Variants in PPM1H observed in about 807,000 individuals in gnomAD.
PPM1H encodes the protein protein phosphatase, Mg2+/Mn2+ dependent 1H.
In PPM1H, 27 loss-of-function variants were observed where a neutral mutation model predicts 54.9. The ratio of observed to expected loss-of-function variants is 0.49; its 90% CI spans 0.36 to 0.68. The LOEUF (loss-of-function observed/expected upper bound fraction) is 0.68, where lower values mean the gene tolerates loss of function less well. Among genes scored for constraint, PPM1H ranks in the 30% least tolerant of loss-of-function variants. PPM1H has a pLI of 0.00. For missense variants in PPM1H, 596 were observed against 667.8 expected, an observed-to-expected ratio of 0.89 and a Z score of 1.19; for synonymous variants, 305 against 270.8, an observed-to-expected ratio of 1.13 and a Z score of -1.24.
At chr12:62,681,325 G>C (rs1382725690) in intron 8 of PPM1H, among the ~76,000 whole-genome samples, 1 of 152,112 alleles carries the variant, frequency 6.6e-6, no homozygotes, top group Non-Finnish European at 1.5e-5. Context: ...TCTAAATCCA[G>C]TCTGCCTCAT....
At chr12:62,712,901 T>G (rs1171444384) in intron 6 of PPM1H, among the ~76,000 whole-genome samples, 1 of 152,214 alleles carries the variant, frequency 6.6e-6, no homozygotes, top group Non-Finnish European at 1.5e-5. Context: ...CTGTGCTTGA[T>G]TCAATAAATC....
chr12:62,803,424 G>A (rs1390341304), intron 2 of PPM1H, among the ~76,000 whole-genome samples: 2 of 152,152 alleles, frequency 1.3e-5, no homozygotes, highest in Admixed American at 6.5e-5. Flanking sequence ...TTTGACAAGG[G>A]TACCAAGAAT....
Position 62,868,387 on chromosome 12 carries a change from T to G in PPM1H, c.246-36108A>C, listed in dbSNP as rs138262459. Among the ~76,000 whole-genome samples the G allele has an allele frequency of 1.5e-3, 234 of 152,286 alleles. 1 individual carries two copies. Among genetic ancestry groups the G allele is most frequent in the African/African-American group, 5.4e-3 (224 of 41,548 alleles). On this transcript the variant is annotated intron_variant, in intron 1 of 9. Coordinates refer to ENST00000228705, the MANE Select transcript of PPM1H (RefSeq NM_020700.2). ...GGCCATCCACAAAGCCTTCCCTGCCTCGGCGACTCAGGCAGAATTGTCTCT... is the reference window on the plus strand; with the variant it reads ...GGCCATCCACAAAGCCTTCCCTGCCGCGGCGACTCAGGCAGAATTGTCTCT...
chr12:62,644,555 G>A lies in PPM1H; in HGVS notation c.*3934C>T, dbSNP rs2075774726. The A allele has an allele frequency of 6.6e-6, 1 of 152,214 alleles. No individual in the cohort carries two copies. Among genetic ancestry groups the A allele is most frequent in the Admixed American group, 6.5e-5 (1 of 15,278 alleles). 9.4% of individuals were successfully genotyped at this position (152,214 alleles called of 1,614,324 possible). A position where few individuals can be genotyped will look rare whatever the true frequency, so the allele number is the denominator to read the frequency against. On this transcript the variant is annotated 3_prime_UTR_variant, in exon 10 of 10. Coordinates refer to ENST00000228705, the MANE Select transcript of PPM1H (RefSeq NM_020700.2). ...AGCTATTTACACAGATAACACTGTG[G>A]ATTCGAAAGAGCAGTCCTCTGCAGA...
rs115427678 is a variant in PPM1H at position 62,762,261 on chromosome 12, G to A, written c.870-24675C>T. Among the ~76,000 whole-genome samples the A allele has an allele frequency of 8.4e-3, 1,285 of 152,290 alleles. 21 individuals are homozygous for A. The highest frequency in any genetic ancestry group is 0.03 in the African/African-American group (1,233 of 41,562). On this transcript the variant is annotated intron_variant, in intron 4 of 9. Coordinates refer to ENST00000228705, the MANE Select transcript of PPM1H (RefSeq NM_020700.2). ...ACACCTGATGTGTGCTTGTCCAGAG[G>A]GGGCTCACTGCCATGGAGTCTGTAG...
At chr12:62,731,050 C>A (rs140084946) in intron 5 of PPM1H, among the ~76,000 whole-genome samples, 6 of 152,248 alleles carry the variant, frequency 3.9e-5, no homozygotes, top group African/African-American at 1.4e-4. Flanking sequence ...TATATATAAG[C>A]TATTACAGAA....
chr12:62,848,863 T>C (rs568988905), intron 1 of PPM1H, among the ~76,000 whole-genome samples: 6 of 150,954 alleles, frequency 4.0e-5, no homozygotes, highest in African/African-American at 9.8e-5. Context: ...ATTATGGTAA[T>C]AGGAACATAA....
chr12:62,690,349 C>G (rs1490922949), intron 7 of PPM1H, among the ~76,000 whole-genome samples: 2 of 152,174 alleles, frequency 1.3e-5, no homozygotes, highest in African/African-American at 2.4e-5. Context: ...CCAGAGTTCA[C>G]CTATTATGTT....
chr12:62,778,861 T>C (rs2076625568), intron 4 of PPM1H, among the ~76,000 whole-genome samples: 1 of 151,526 alleles, frequency 6.6e-6, no homozygotes, highest in South Asian at 2.1e-4. Flanking sequence ...AGCCAAGGAG[T>C]TTGAGGCTGC....
At chr12:62,670,141 C>T (rs1373285533) in intron 8 of PPM1H, among the ~76,000 whole-genome samples, 1 of 151,634 alleles carries the variant, frequency 6.6e-6, no homozygotes, top group Non-Finnish European at 1.5e-5. Flanking sequence ...CCACGCCCGG[C>T]TAATTTTGTA....
chr12:62,696,230 G>A (rs1456217758), intron 6 of PPM1H, among the ~76,000 whole-genome samples: 1 of 152,176 alleles, frequency 6.6e-6, no homozygotes, highest in East Asian at 1.9e-4. Context: ...GGAGCACGAA[G>A]TCCATGTCCC....
chr12:62,670,120 G>T (rs1354401737), intron 8 of PPM1H, among the ~76,000 whole-genome samples: 8 of 151,598 alleles, frequency 5.3e-5, no homozygotes, highest in Admixed American at 5.3e-4. Flanking sequence ...TGGGATTACA[G>T]GCATGTGCCA....
intron 1 of PPM1H, among the ~76,000 whole-genome samples, chr12:62,867,923 G>C (rs1869842698): frequency 6.6e-6 from 1 of 152,156 alleles, no homozygotes; most frequent in East Asian, 1.9e-4. Flanking sequence ...CATCACAGCA[G>C]CTGGTGTAAA....
chr12:62,669,874 G>A (rs2075945081), intron 8 of PPM1H, among the ~76,000 whole-genome samples: 1 of 151,490 alleles, frequency 6.6e-6, no homozygotes, highest in South Asian at 2.1e-4. Context: ...AGGATTTTGA[G>A]GCTGTGGTGA....
In PPM1H at chr12:62,648,609, C is replaced by T. The variant is rs1419049693; in HGVS notation, c.1425G>A (p.Val475=). ...HRYTLAAQDL[V]MRARGVLKDR... ...CCTTCAGCACACCCCGGGCACGCAT[C>T]ACCAGGTCCTGAGCTGCCAGTGTGT... The change falls in exon 10 of 10, where the codon GTG becomes GTA. Residue 475 remains valine, a synonymous_variant. Transcript: ENST00000228705. The T allele has an allele frequency of 6.2e-7, 1 of 1,613,870 alleles. No individual in the cohort carries two copies. Among genetic ancestry groups the T allele is most frequent in the Non-Finnish European group, 8.5e-7 (1 of 1,179,900 alleles).
chr12:62,855,021 T>G (rs951611808), intron 1 of PPM1H, among the ~76,000 whole-genome samples: 2 of 152,056 alleles, frequency 1.3e-5, no homozygotes, highest in Non-Finnish European at 2.9e-5. Context: ...CCAGCCACTT[T>G]CCAGAGTCAA....
At chr12:62,928,242 T>C (rs1213481807) in intron 1 of PPM1H, among the ~76,000 whole-genome samples, 6 of 152,198 alleles carry the variant, frequency 3.9e-5, no homozygotes, top group Non-Finnish European at 7.3e-5. Context: ...ACAAATCAAA[T>C]GCTATACCGT....
chr12:62,652,056 T>G (rs541262612), intron 9 of PPM1H, among the ~76,000 whole-genome samples: 1 of 152,322 alleles, frequency 6.6e-6, no homozygotes, highest in African/African-American at 2.4e-5. Context: ...ATCATTAATT[T>G]CTTTTTACTT....
intron 4 of PPM1H, among the ~76,000 whole-genome samples, chr12:62,763,583 A>C (rs750170548): frequency 6.6e-6 from 1 of 152,196 alleles, no homozygotes; most frequent in Non-Finnish European, 1.5e-5. Flanking sequence ...GCTCTTCCTT[A>C]CTTGATGGGT....
Sources: gnomAD v4.1 joint callset for allele counts (sites outside exome capture counted in the v4.1 genomes callset) on GRCh38, gnomAD v4.1.1 for gene constraint, MANE v1.5 for transcripts, NCBI Gene and HGNC (gene_info 2026-07-23, HGNC 2026-07-21) for gene names.